Variants in PECAM1 observed in about 807,000 individuals in gnomAD.
The protein encoded by PECAM1 is platelet endothelial cell adhesion molecule.
In PECAM1, 8 loss-of-function variants were observed where a neutral mutation model predicts 13.8. The ratio of observed to expected loss-of-function variants is 0.58; its 90% CI spans 0.34 to 1.05. PECAM1 has a LOEUF of 1.05. Ranked by LOEUF, PECAM1 falls within the 50% of genes least tolerant of loss-of-function variation. The pLI is 0.03. For synonymous variants in PECAM1, 136 were observed against 52.6 expected, an observed-to-expected ratio of 2.58 and a Z score of -6.86; for missense variants, 304 against 141.2, an observed-to-expected ratio of 2.15 and a Z score of -5.84.
intron 2 of PECAM1, among the ~76,000 whole-genome samples, chr17:64,387,728 G>C (rs1360661002): frequency 6.6e-6 from 1 of 152,178 alleles, no homozygotes; most frequent in African/African-American, 2.4e-5. Flanking sequence ...AGTTGAGGGA[G>C]TTCCCTCCAG....
chr17:64,321,815 G>A lies in PECAM1; in HGVS notation c.*2001C>T. On this transcript the variant is annotated 3_prime_UTR_variant, in exon 16 of 16. Transcript: ENST00000563924. ...TCGTGCTGCATAAGTAAGGCACCAG[G>A]AGTAGGAATAGGGTCTTTGCAGCTC... 7.5e-7 allele frequency: 1 copy of A among 1,341,120 alleles called. No individual in the cohort carries two copies. The allele number at this position is 1,341,120 out of a possible 1,614,324, so 83.1% of individuals were successfully genotyped here.
chr17:64,370,941 T>C (rs1167469984), intron 4 of PECAM1, among the ~76,000 whole-genome samples: 6 of 152,306 alleles, frequency 3.9e-5, no homozygotes, highest in South Asian at 2.1e-4. Context: ...ATAAAGTCAA[T>C]TCATAATTAG....
chr17:64,368,927 A>ATTTT (rs2036173492), intron 5 of PECAM1, among the ~76,000 whole-genome samples: 2 of 85,886 alleles, frequency 2.3e-5, no homozygotes, highest in African/African-American at 8.2e-5. Flanking sequence ...GGTAATTGTC[A>ATTTT]TTTCTTTTTT....
At chr17:64,328,556 G>C (rs1598273706) in intron 15 of PECAM1, among the ~76,000 whole-genome samples, 1 of 152,006 alleles carries the variant, frequency 6.6e-6, no homozygotes, top group South Asian at 2.1e-4. Context: ...GTTTTGGCTA[G>C]GAAAAAAAAC....
At chr17:64,340,560 G>A (rs953113997) in intron 14 of PECAM1, among the ~76,000 whole-genome samples, 12 of 152,144 alleles carry the variant, frequency 7.9e-5, no homozygotes, top group African/African-American at 2.9e-4. Flanking sequence ...GAATTTAAAA[G>A]TTGTCATTGT....
At chr17:64,386,831 G>A (rs2143915988) in intron 2 of PECAM1, among the ~76,000 whole-genome samples, 1 of 152,300 alleles carries the variant, frequency 6.6e-6, no homozygotes, top group South Asian at 2.1e-4. Flanking sequence ...TGGTGCAGCT[G>A]CGTGTGAGGG....
At chr17:64,341,953 C>T (rs1455766593) in intron 13 of PECAM1, among the ~76,000 whole-genome samples, 1 of 151,996 alleles carries the variant, frequency 6.6e-6, no homozygotes, top group Non-Finnish European at 1.5e-5. Context: ...AGGTTGAGAC[C>T]ATTCTGGCCA....
In PECAM1 at chr17:64,370,021, G is replaced by A; in HGVS notation, c.696C>T (p.Ser232=). The A allele has an allele frequency of 2.5e-6, 1 of 398,596 alleles. No individual in the cohort carries two copies. Among genetic ancestry groups the A allele is most frequent in the East Asian group, 3.6e-5 (1 of 28,072 alleles). 24.7% of individuals were successfully genotyped at this position (398,596 alleles called of 1,614,324 possible). A position where few individuals can be genotyped will look rare whatever the true frequency, so the allele number is the denominator to read the frequency against. ...TKSELVTVTE[S]FSTPKFHISP... Reference sequence around the variant, plus strand: ...TGATGTGGAACTTGGGTGTAGAGAAGGATTCTGCAAGAGAGGAAGACAACC... The same window carrying A: ...TGATGTGGAACTTGGGTGTAGAGAAAGATTCTGCAAGAGAGGAAGACAACC... The change falls in exon 5 of 16, where the codon TCC becomes TCT. Residue 232 remains serine (S), a synonymous_variant. Coordinates refer to ENST00000563924, the MANE Select transcript of PECAM1 (RefSeq NM_000442.5).
intron 14 of PECAM1, among the ~76,000 whole-genome samples, chr17:64,334,862 C>T (rs1421919479): frequency 2.0e-5 from 3 of 152,080 alleles, no homozygotes; most frequent in Admixed American, 6.6e-5. Flanking sequence ...CTAATAAGCA[C>T]AGTGTTTCTG....
intron 7 of PECAM1, 67 bp from the exon 8 acceptor site, chr17:64,356,465 A>C: frequency 2.4e-6 from 1 of 414,138 alleles, no homozygotes. Context: ...TGAGACAGCC[A>C]CTGCTCAACT....
chr17:64,359,534 G>C (rs947713709), intron 7 of PECAM1, among the ~76,000 whole-genome samples: 3 of 152,168 alleles, frequency 2.0e-5, no homozygotes, highest in Non-Finnish European at 4.4e-5. Context: ...CTGAAAAGGA[G>C]AAAGTGCTAA....
intron 13 of PECAM1, among the ~76,000 whole-genome samples, chr17:64,345,940 T>C (rs2035555524): frequency 6.6e-6 from 1 of 152,112 alleles, no homozygotes. Context: ...ATACAGCTGC[T>C]GACACTCAGC....
rs930306347 is a variant in PECAM1 at position 64,353,534 on chromosome 17, C to T, written c.1889-16G>A. The stretch of plus-strand genomic sequence containing the variant: ...ATCTGCTTGGCTTTAAAACAGAAAA[C>T]GAAAAACCAAAGTCAGTATACAGTA... On this transcript the variant is annotated splice_polypyrimidine_tract_variant and intron_variant, in intron 9 of 15. Transcript: ENST00000563924. 11 of 468,292 alleles carry T rather than the reference C, an allele frequency of 2.3e-5. No individual in the cohort carries two copies. The highest frequency in any genetic ancestry group is 6.0e-5 in the African/African-American group (3 of 50,328). The allele number at this position is 468,292 out of a possible 1,614,324, so 29.0% of individuals were successfully genotyped here.
At chr17:64,377,617 A>AAAGGAAGGAAGGAAGGGAGGAAGGAAGG (rs2036389880) in intron 3 of PECAM1, 1 of 248,728 alleles carries the variant, frequency 4.0e-6, no homozygotes, top group Non-Finnish European at 7.4e-6. Flanking sequence ...TCAAAGAAAG[A>AAAGGAAGGAAGGAAGGGAGGAAGGAAGG]AAGGAAGGAA....
chr17:64,337,805 C>A (rs1226390866), intron 14 of PECAM1, among the ~76,000 whole-genome samples: 4 of 152,058 alleles, frequency 2.6e-5, no homozygotes, highest in African/African-American at 9.7e-5. Flanking sequence ...AATATGCCAC[C>A]ACAAAATATG....
intron 7 of PECAM1, among the ~76,000 whole-genome samples, chr17:64,357,807 C>T (rs1364379040): frequency 6.6e-6 from 1 of 152,156 alleles, no homozygotes; most frequent in Non-Finnish European, 1.5e-5. Context: ...CTACTGATAT[C>T]GACCCAGTTT....
intron 4 of PECAM1, among the ~76,000 whole-genome samples, chr17:64,371,842 A>G (rs937488956): frequency 2.0e-4 from 31 of 152,182 alleles, no homozygotes; most frequent in Non-Finnish European, 4.1e-4. Context: ...AAATAAATAA[A>G]TAAATAAAAT....
intron 2 of PECAM1, among the ~76,000 whole-genome samples, chr17:64,384,889 T>A (rs2036560273): frequency 1.3e-5 from 2 of 152,374 alleles, no homozygotes; most frequent in East Asian, 3.9e-4. Flanking sequence ...CTGATTCTTG[T>A]TTTGATAATA....
At position 64,372,243 on chromosome 17, in the gene PECAM1, C is replaced by A. The variant is rs1245329087; in HGVS notation, c.692-2218G>T. 3.3e-5 allele frequency among the ~76,000 whole-genome samples: 5 copies of A among 152,006 alleles called. No individual in the cohort carries two copies. The East Asian group carries it at 9.7e-4, about 29-fold the overall frequency. On this transcript the variant is annotated intron_variant, in intron 4 of 15. Transcript: ENST00000563924. ...GGTCAACATAGCAAGACCCTAATCT[C>A]TATTTAAAAAAGAAAGAAAGAAAGA...
Sources: allele counts gnomAD v4.1 joint callset (sites outside exome capture counted in the v4.1 genomes callset), GRCh38; gene constraint gnomAD v4.1.1; transcripts MANE v1.5; gene names NCBI Gene and HGNC (gene_info 2026-07-23, HGNC 2026-07-21).